Variants in SGPL1 observed in about 807,000 individuals in gnomAD.
SGPL1 encodes SP-lyase 1.
SGPL1 carries 37 observed loss-of-function variants against 68.9 expected under a neutral mutation model. The ratio of observed to expected loss-of-function variants is 0.54; its 90% CI spans 0.41 to 0.71. The LOEUF (loss-of-function observed/expected upper bound fraction) is 0.71. SGPL1 is among the 30% of genes least tolerant of loss of function. The pLI is 0.00. For synonymous variants in SGPL1, 236 were observed against 248.5 expected, an observed-to-expected ratio of 0.95 and a Z score of 0.47; for missense variants, 551 against 704.6, an observed-to-expected ratio of 0.78 and a Z score of 2.47.
chr10:70,830,628 C>T (rs1293557381), intron 2 of SGPL1, among the ~76,000 whole-genome samples: 1 of 152,114 alleles, frequency 6.6e-6, no homozygotes, highest in Admixed American at 6.6e-5. Context: ...TATATAGGAC[C>T]TTTTGTAATA....
At chr10:70,826,433 A>T (rs1167601290) in intron 2 of SGPL1, among the ~76,000 whole-genome samples, 1 of 152,226 alleles carries the variant, frequency 6.6e-6, no homozygotes, top group Non-Finnish European at 1.5e-5. Context: ...TCTACCTGTC[A>T]GGTTCATGTT....
chr10:70,855,787 G>A (rs1845953931), intron 5 of SGPL1, among the ~76,000 whole-genome samples: 1 of 152,114 alleles, frequency 6.6e-6, no homozygotes, highest in Non-Finnish European at 1.5e-5. Flanking sequence ...CCTATACCCA[G>A]CTTCTCCTGA....
At chr10:70,832,034 TG>T (rs1845548516) in intron 2 of SGPL1, among the ~76,000 whole-genome samples, 1 of 152,180 alleles carries the variant, frequency 6.6e-6, no homozygotes, top group South Asian at 2.1e-4. Flanking sequence ...ACAAGGGCTA[TG>T]GGGGTTATGA....
chr10:70,875,457 G>A lies in SGPL1; in HGVS notation c.1354G>A (p.Ala452Thr). The A allele has an allele frequency of 1.9e-6, 3 of 1,612,566 alleles. No individual in the cohort carries two copies. Among genetic ancestry groups the A allele is most frequent in the Non-Finnish European group, 2.5e-6 (3 of 1,178,668 alleles). ...TGGGAATCCCCAATTGTCAGTCATT[G>A]CTCTGGGATCCCGTGATTTTGACAT... ...VFGNPQLSVI[A>T]LGSRDFDIYR... Residue 452 changes from alanine (A) to threonine (T), a missense_variant, in exon 13 of 15, where the codon GCT becomes ACT. By Grantham distance (58) the Ala-to-Thr change is moderately conservative (BLOSUM62 0). Coordinates refer to ENST00000373202, the MANE Select transcript of SGPL1 (RefSeq NM_003901.4).
At chr10:70,842,429 A>C (rs1845730537) in intron 2 of SGPL1, among the ~76,000 whole-genome samples, 1 of 152,204 alleles carries the variant, frequency 6.6e-6, no homozygotes, top group Non-Finnish European at 1.5e-5. Context: ...CATTGTTGTT[A>C]AGAAATACCT....
Position 70,857,659 on chromosome 10 carries a change from G to A in SGPL1, c.455G>A (p.Gly152Glu). Residue 152 changes from glycine (G) to glutamate (E), a missense_variant, in exon 6 of 15, where the codon GGG becomes GAG. By Grantham distance (98) the Gly-to-Glu change is moderately conservative. Coordinates refer to ENST00000373202, the MANE Select transcript of SGPL1 (RefSeq NM_003901.4). ...AGAGCCTCTGGAACAGTGTACAGTG[G>A]GGAGGAGAAGCTCACTGAGCTCCTT... is the stretch of plus-strand genomic sequence containing the variant. ...EGRASGTVYS[G>E]EEKLTELLVK... 1.2e-6 allele frequency: 2 copies of A among 1,612,920 alleles called. No homozygotes were observed. The highest frequency in any genetic ancestry group is 1.7e-6 in the Non-Finnish European group (2 of 1,179,372).
At chr10:70,854,507 C>T (rs888588893) in intron 4 of SGPL1, among the ~76,000 whole-genome samples, 1 of 152,116 alleles carries the variant, frequency 6.6e-6, no homozygotes, top group African/African-American at 2.4e-5. Context: ...AGAAGCTTCG[C>T]TTTTCAAATT....
rs183765802 is a variant in SGPL1, at chr10:70,843,954, C to T, written c.28-519C>T. Among the ~76,000 whole-genome samples the T allele has an allele frequency of 8.9e-4, 136 of 152,302 alleles. 1 individual carries two copies. Among genetic ancestry groups the T allele is most frequent in the African/African-American group, 2.8e-3 (118 of 41,550 alleles). On this transcript the variant is annotated intron_variant, in intron 2 of 14. Transcript: ENST00000373202. ...CCATGTTCCTTTGTTTACACAATAA[C>T]TGACTATATTTGTACTCCAGCAGCA...
At chr10:70,876,887 A>T (rs1434281687) in intron 14 of SGPL1, among the ~76,000 whole-genome samples, 2 of 152,250 alleles carry the variant, frequency 1.3e-5, no homozygotes, top group Non-Finnish European at 1.5e-5. Context: ...AGACTTCTGT[A>T]TAAAAGCAGC....
chr10:70,851,853 G>T (rs113439356), intron 4 of SGPL1, among the ~76,000 whole-genome samples: 2 of 152,312 alleles, frequency 1.3e-5, no homozygotes, highest in African/African-American at 4.8e-5. Context: ...CTTTCTTTAC[G>T]AATTCAGGTA....
At chr10:70,874,089 T>C (rs1846343942) in intron 12 of SGPL1, among the ~76,000 whole-genome samples, 1 of 152,138 alleles carries the variant, frequency 6.6e-6, no homozygotes, top group Admixed American at 6.5e-5. Context: ...AAGAAAATAA[T>C]TGGAAATGGG....
intron 2 of SGPL1, among the ~76,000 whole-genome samples, chr10:70,817,099 C>T (rs1564614662): frequency 1.3e-5 from 2 of 152,212 alleles, no homozygotes; most frequent in African/African-American, 2.4e-5. Flanking sequence ...GGCTCACCGC[C>T]ACCTCTGCCT....
chr10:70,847,269 C>A (rs2131889860), intron 3 of SGPL1, among the ~76,000 whole-genome samples: 1 of 152,268 alleles, frequency 6.6e-6, no homozygotes, highest in African/African-American at 2.4e-5. Context: ...CTGCCTCAGC[C>A]TCATGAGTAG....
At chr10:70,855,902 T>A (rs1831361517) in intron 5 of SGPL1, among the ~76,000 whole-genome samples, 1 of 151,032 alleles carries the variant, frequency 6.6e-6, no homozygotes, top group Admixed American at 6.6e-5. Flanking sequence ...TTCATCAGGG[T>A]TTTTTTTTGT....
At chr10:70,819,794 C>T (rs1342684869) in intron 2 of SGPL1, among the ~76,000 whole-genome samples, 1 of 152,082 alleles carries the variant, frequency 6.6e-6, no homozygotes, top group Non-Finnish European at 1.5e-5. Flanking sequence ...CCATGCCCGG[C>T]TGATTTTTGT....
chr10:70,819,719 C>T (rs1399482792), intron 2 of SGPL1, among the ~76,000 whole-genome samples: 1 of 148,076 alleles, frequency 6.8e-6, no homozygotes, highest in Non-Finnish European at 1.5e-5. Context: ...CATCCTCAAT[C>T]TCTGAGGCTC....
intron 2 of SGPL1, among the ~76,000 whole-genome samples, chr10:70,839,069 G>C (rs34328359): frequency 1.3e-5 from 2 of 152,132 alleles, no homozygotes; most frequent in African/African-American, 4.8e-5. Context: ...TCATTGGGGC[G>C]AGTGGGCTAC....
At chr10:70,868,233 G>C in intron 7 of SGPL1, 112 bp from the exon 8 acceptor site, 4 of 764,320 alleles carry the variant, frequency 5.2e-6, no homozygotes, top group Non-Finnish European at 8.4e-6. Flanking sequence ...CTGCCTTGCA[G>C]CATGCATCCA....
intron 7 of SGPL1, chr10:70,860,278 G>C: frequency 2.4e-6 from 1 of 424,194 alleles, no homozygotes; most frequent in Non-Finnish European, 4.8e-6. Context: ...GTGTCCTAGA[G>C]GTGCTAATCC....
Sources: gnomAD v4.1 joint callset for allele counts (sites outside exome capture counted in the v4.1 genomes callset) on GRCh38, gnomAD v4.1.1 for gene constraint, MANE v1.5 for transcripts, NCBI Gene and HGNC (gene_info 2026-07-23, HGNC 2026-07-21) for gene names.